Variants in SNRPD3 observed in about 807,000 individuals in gnomAD.
SNRPD3 encodes small nuclear ribonucleoprotein Sm D3.
For synonymous variants in SNRPD3, 66 were observed against 58.4 expected (o/e 1.13, Z -0.59); for missense variants, 73 against 167.5 (o/e 0.44, Z 3.11).
chr22:24,562,739 G>A lies in SNRPD3; in HGVS notation c.126+4939G>A. Among the ~76,000 whole-genome samples, 2 of 152,114 alleles carry A rather than the reference G, an allele frequency of 1.3e-5. 1 individual carries two copies. Among genetic ancestry groups the A allele is most frequent in the Middle Eastern group, 6.3e-3 (2 of 316 alleles). On this transcript the variant is annotated intron_variant, in intron 2 of 3. Coordinates refer to ENST00000215829, the MANE Select transcript of SNRPD3 (RefSeq NM_004175.5). ...TAAAATTAAAAAAATTCTATGGCAGGATAAAAGTAGATGCATAGATCATGG... is the reference window on the plus strand; with the variant it reads ...TAAAATTAAAAAAATTCTATGGCAGAATAAAAGTAGATGCATAGATCATGG...
rs2045255823 is a variant in SNRPD3, at chr22:24,572,117, C to G, written c.*140C>G. 1 of 1,467,872 alleles carries G rather than the reference C, an allele frequency of 6.8e-7. No homozygotes were observed. The highest frequency in any genetic ancestry group is 9.3e-7 in the Non-Finnish European group (1 of 1,073,166). The allele number at this position is 1,467,872 out of a possible 1,614,324, so 90.9% of individuals were successfully genotyped here. A position where few individuals can be genotyped will look rare whatever the true frequency, so the allele number is the denominator to read the frequency against. ...GGGGAAATGTTTAAGCTAAATAAATCTGGGGGGTTTTTTGTTCTGTTTTGT... is the reference window on the plus strand; with the variant it reads ...GGGGAAATGTTTAAGCTAAATAAATGTGGGGGGTTTTTTGTTCTGTTTTGT... On this transcript the variant is annotated 3_prime_UTR_variant, in exon 4 of 4. Transcript: ENST00000215829.
chr22:24,558,189 C>G (rs1015433422), intron 2 of SNRPD3: 5 of 156,324 alleles, frequency 3.2e-5, no homozygotes, highest in South Asian at 1.9e-4. Context: ...TCCCTTTTCT[C>G]TTGGAGGAGG....
In SNRPD3 at chr22:24,572,185, G is replaced by A. The variant is rs941197735; in HGVS notation, c.*208G>A. 2.5e-5 allele frequency: 25 copies of A among 1,017,182 alleles called. No homozygotes were observed. Among genetic ancestry groups the A allele is most frequent in the Non-Finnish European group, 3.5e-5 (24 of 683,552 alleles). The allele number at this position is 1,017,182 out of a possible 1,614,324, so 63.0% of individuals were successfully genotyped here. A position where few individuals can be genotyped will look rare whatever the true frequency, so the allele number is the denominator to read the frequency against. On this transcript the variant is annotated 3_prime_UTR_variant, in exon 4 of 4. Coordinates refer to ENST00000215829, the MANE Select transcript of SNRPD3 (RefSeq NM_004175.5). ...AATAAGGACTTTGTGTTCATTTGAA[G>A]TTTGCTTTGGCTAAATTTTGACACC...
chr22:24,562,342 C>A (rs758481953), intron 2 of SNRPD3, among the ~76,000 whole-genome samples: 79 of 151,980 alleles, frequency 5.2e-4, no homozygotes, highest in South Asian at 1.7e-3. Context: ...GAGATTGAGA[C>A]CAGCCTGGCT....
intron 2 of SNRPD3, among the ~76,000 whole-genome samples, chr22:24,560,747 A>G (rs1371283675): frequency 1.8e-5 from 1 of 55,058 alleles, no homozygotes; most frequent in African/African-American, 8.9e-5. Flanking sequence ...TTTTTTTTTG[A>G]GACAGAATCT....
intron 3 of SNRPD3, among the ~76,000 whole-genome samples, chr22:24,569,383 A>G (rs2045227700): frequency 6.6e-6 from 1 of 152,218 alleles, no homozygotes; most frequent in Non-Finnish European, 1.5e-5. Flanking sequence ...GTTGGTAAAA[A>G]AGGTTTGCAG....
chr22:24,572,262 A>G lies in SNRPD3; in HGVS notation c.*285A>G. Reference sequence around the variant, plus strand: ...GTACTTTGAAATAGCACAGCTATTGATGAGATTTTAAGCTGCTGTTCCTGG... The same window carrying G: ...GTACTTTGAAATAGCACAGCTATTGGTGAGATTTTAAGCTGCTGTTCCTGG... On this transcript the variant is annotated 3_prime_UTR_variant, in exon 4 of 4. Transcript: ENST00000215829. 1 of 617,022 alleles carries G rather than the reference A, an allele frequency of 1.6e-6. No individual in the cohort carries two copies. Among genetic ancestry groups the G allele is most frequent in the Non-Finnish European group, 2.9e-6 (1 of 350,788 alleles). 38.2% of individuals were successfully genotyped at this position (617,022 alleles called of 1,614,324 possible).
At chr22:24,563,672 TA>T (rs2045169620) in intron 2 of SNRPD3, among the ~76,000 whole-genome samples, 1 of 152,212 alleles carries the variant, frequency 6.6e-6, no homozygotes, top group Non-Finnish European at 1.5e-5. Context: ...ACTTAATTCT[TA>T]GAAGTTTTGG....
chr22:24,565,645 G>A (rs1055072500), intron 2 of SNRPD3, among the ~76,000 whole-genome samples: 15 of 151,974 alleles, frequency 9.9e-5, no homozygotes, highest in African/African-American at 9.7e-5. Context: ...CCCAAAACAC[G>A]TTTTTTGTTT....
intron 1 of SNRPD3, 79 bp from the exon 2 acceptor site, chr22:24,557,578 C>A: frequency 2.0e-6 from 2 of 980,072 alleles, no homozygotes; most frequent in Non-Finnish European, 3.2e-6. Context: ...GAGTGCCAGG[C>A]CTTAAAGGAA....
chr22:24,565,765 AT>A (rs2045191670), intron 2 of SNRPD3, among the ~76,000 whole-genome samples: 1 of 152,032 alleles, frequency 6.6e-6, no homozygotes, highest in South Asian at 2.1e-4. Flanking sequence ...GGTTCAAGTG[AT>A]TCTCCTGCCT....
At position 24,572,292 on chromosome 22, in the gene SNRPD3, T is replaced by C; in HGVS notation, c.*315T>C. 1.7e-6 allele frequency: 1 copy of C among 603,628 alleles called. No homozygotes were observed. Among genetic ancestry groups the C allele is most frequent in the Non-Finnish European group, 2.9e-6 (1 of 342,232 alleles). 37.4% of individuals were successfully genotyped at this position (603,628 alleles called of 1,614,324 possible). On this transcript the variant is annotated 3_prime_UTR_variant, in exon 4 of 4. Coordinates refer to ENST00000215829, the MANE Select transcript of SNRPD3 (RefSeq NM_004175.5). ...ATTTTAAGCTGCTGTTCCTGGCCAG[T>C]TGCAGGTTAAGCCCCAGAAAAGTTC...
intron 2 of SNRPD3, among the ~76,000 whole-genome samples, chr22:24,564,310 C>G (rs754825042): frequency 3.9e-5 from 6 of 152,168 alleles, no homozygotes; most frequent in Non-Finnish European, 8.8e-5. Context: ...CCACTTTGTG[C>G]TACAAAGATT....
intron 2 of SNRPD3, 124 bp downstream of exon 2, chr22:24,557,924 T>C (rs2045095461): frequency 5.6e-6 from 5 of 895,392 alleles, no homozygotes; most frequent in Non-Finnish European, 6.7e-6. Context: ...AAGTGCCTAA[T>C]GCATACCAGT....
intron 3 of SNRPD3, among the ~76,000 whole-genome samples, chr22:24,570,986 T>G (rs1427635556): frequency 1.3e-5 from 2 of 152,032 alleles, no homozygotes; most frequent in African/African-American, 4.8e-5. Flanking sequence ...GTGCAGCTAA[T>G]TTTTGTGTGT....
chr22:24,569,748 A>T (rs1217849701), intron 3 of SNRPD3, among the ~76,000 whole-genome samples: 1 of 152,250 alleles, frequency 6.6e-6, no homozygotes, highest in Non-Finnish European at 1.5e-5. Flanking sequence ...AATTTGCTGG[A>T]GTAGCTCACA....
chr22:24,561,064 C>CTTTTTTTTTTTTTTTTTTTTTTTTTTTTT lies in SNRPD3; in HGVS notation c.126+3289_126+3290insTTTTTTTTTTTTTTTTTTTTTTTTTTTTT, dbSNP rs1164120857. Reference sequence around the variant, plus strand: ...TTTTTTTTCTTTTCCTTTTTCTTTTCTTTTTTTTTTTTTTTTTTTTTTTTT... The same window carrying CTTTTTTTTTTTTTTTTTTTTTTTTTTTTT: ...TTTTTTTTCTTTTCCTTTTTCTTTTCTTTTTTTTTTTTTTTTTTTTTTTTTTTTTTTTTTTTTTTTTTTTTTTTTTTTTT... On this transcript the variant is annotated intron_variant, in intron 2 of 3. Transcript: ENST00000215829. 1.0e-3 allele frequency among the ~76,000 whole-genome samples: 63 copies of CTTTTTTTTTTTTTTTTTTTTTTTTTTTTT among 61,688 alleles called. 1 individual carries two copies. The highest frequency in any genetic ancestry group is 1.2e-3 in the African/African-American group (16 of 13,078). 40.5% of individuals were successfully genotyped at this position (61,688 alleles called of 152,430 possible). A position where few individuals can be genotyped will look rare whatever the true frequency, so the allele number is the denominator to read the frequency against.
At chr22:24,564,517 C>T (rs2045177473) in intron 2 of SNRPD3, among the ~76,000 whole-genome samples, 1 of 152,190 alleles carries the variant, frequency 6.6e-6, no homozygotes, top group Non-Finnish European at 1.5e-5. Context: ...CTCTAGCAGG[C>T]ATGTGTGCAG....
chr22:24,555,879 C>G (rs1305797675), upstream of SNRPD3: 1 of 1,519,138 alleles, frequency 6.6e-7, no homozygotes, highest in Non-Finnish European at 8.8e-7. Context: ...GTTTCCCAGC[C>G]GGCAGGCGGA....
Sources: gnomAD v4.1 joint callset for allele counts (sites outside exome capture counted in the v4.1 genomes callset) on GRCh38, gnomAD v4.1.1 for gene constraint, MANE v1.5 for transcripts, NCBI Gene and HGNC (gene_info 2026-07-23, HGNC 2026-07-21) for gene names.